The following PCDHA6 variants were observed in gnomAD, a reference collection of about 807,000 sequenced individuals.
PCDHA6 encodes the protein protocadherin alpha 6.
Under a neutral mutation model 60.3 loss-of-function variants are expected in PCDHA6, and 55 were observed. That is an observed-to-expected ratio of 0.91 (90% CI 0.73 to 1.14). The LOEUF (loss-of-function observed/expected upper bound fraction) is 1.14, where lower values mean the gene tolerates loss of function less well. Among genes scored for constraint, PCDHA6 ranks in the 50% most tolerant of loss-of-function variants. The probability of loss-of-function intolerance (pLI) is 0.00; values close to 1 mark genes in which losing one functional copy is unlikely to be tolerated. For missense variants in PCDHA6, 1,327 were observed against 1,256.5 expected (o/e 1.06, Z -0.85); for synonymous variants, 652 against 557.9 (o/e 1.17, Z -2.38).
rs544683188 is a variant in PCDHA6 at position 140,871,907 on chromosome 5, C to G, written c.2394+41422C>G. ...TCTTTGTCTTTTAGCAGAGTTTTGC[C>G]TTGATATTTCCACATTGTTAGATCA... On this transcript the variant is annotated intron_variant, in intron 1 of 3. Coordinates refer to ENST00000529310, the MANE Select transcript of PCDHA6 (RefSeq NM_018909.4). Among the ~76,000 whole-genome samples the G allele has an allele frequency of 3.9e-5, 6 of 152,316 alleles. No homozygotes were observed. In the South Asian group the frequency reaches 1.2e-3, roughly 32 times the overall value.
At chr5:140,929,191 A>G in intron 1 of PCDHA6, 1 of 1,614,118 alleles carries the variant, frequency 6.2e-7, no homozygotes, top group Non-Finnish European at 8.5e-7. Flanking sequence ...TTCTGATAAT[A>G]ACAGTTTGCT....
chr5:140,932,002 T>G (rs1305093438), intron 1 of PCDHA6, among the ~76,000 whole-genome samples: 1 of 151,956 alleles, frequency 6.6e-6, no homozygotes, highest in East Asian at 1.9e-4. Flanking sequence ...CTAAGTTCTT[T>G]CATTTTAGTT....
intron 3 of PCDHA6, among the ~76,000 whole-genome samples, chr5:140,999,654 C>T (rs180994815): frequency 1.3e-3 from 194 of 152,238 alleles, no homozygotes; most frequent in African/African-American, 4.4e-3. Context: ...AGCCTGAGCC[C>T]TGCTGGGTTG....
intron 3 of PCDHA6, among the ~76,000 whole-genome samples, chr5:141,003,696 T>C (rs1554259206): frequency 6.6e-6 from 1 of 152,210 alleles, no homozygotes; most frequent in East Asian, 1.9e-4. Flanking sequence ...AATATATCCC[T>C]ACCAATTGTG....
At chr5:140,895,784 T>C (rs2065158516) in intron 1 of PCDHA6, among the ~76,000 whole-genome samples, 1 of 152,166 alleles carries the variant, frequency 6.6e-6, no homozygotes, top group Non-Finnish European at 1.5e-5. Flanking sequence ...TAGTATTCAA[T>C]GACGTATATG....
intron 1 of PCDHA6, chr5:140,877,909 C>A: frequency 6.3e-6 from 9 of 1,432,578 alleles, no homozygotes; most frequent in Non-Finnish European, 7.3e-6. Flanking sequence ...TAACTACATT[C>A]TCTCATTTTT....
intron 1 of PCDHA6, chr5:140,866,765 C>G (rs1053050045): frequency 6.6e-6 from 1 of 152,122 alleles, no homozygotes; most frequent in Non-Finnish European, 1.5e-5. Context: ...GACATACAGG[C>G]AGATTGTATG....
chr5:140,856,611 A>T (rs782801357), intron 1 of PCDHA6: 2 of 1,598,100 alleles, frequency 1.3e-6, no homozygotes, highest in Non-Finnish European at 1.7e-6. Context: ...AAAGACAAAG[A>T]CAAATTCCCA....
At chr5:140,872,266 T>C (rs1267974541) in intron 1 of PCDHA6, among the ~76,000 whole-genome samples, 2 of 152,208 alleles carry the variant, frequency 1.3e-5, no homozygotes, top group Non-Finnish European at 2.9e-5. Context: ...GTTTTCATAT[T>C]GTTTGAAGAA....
chr5:140,954,536 T>C (rs1438016822), intron 1 of PCDHA6, among the ~76,000 whole-genome samples: 3 of 152,248 alleles, frequency 2.0e-5, no homozygotes, highest in African/African-American at 7.2e-5. Flanking sequence ...GTTGAGGTTT[T>C]TTTCATATGT....
Position 141,010,239 on chromosome 5 carries a change from G to A in PCDHA6, c.*302G>A. ...AGGCTTCCCAGCCCCGCCAGTGAGA[G>A]GTTGGACTCTCTGCCCTGTGCTCCG... On this transcript the variant is annotated 3_prime_UTR_variant, in exon 4 of 4. Transcript: ENST00000529310. 1 of 1,551,938 alleles carries A rather than the reference G, an allele frequency of 6.4e-7. No homozygotes were observed. Among genetic ancestry groups the A allele is most frequent in the Non-Finnish European group, 8.7e-7 (1 of 1,147,044 alleles).
chr5:140,839,493 G>A (rs2150298182), intron 1 of PCDHA6, among the ~76,000 whole-genome samples: 3 of 151,922 alleles, frequency 2.0e-5, no homozygotes, highest in Non-Finnish European at 4.4e-5. Context: ...GGGCTCAAGT[G>A]ATCTTCCTAC....
At chr5:140,887,376 G>A (rs1169212781) in intron 1 of PCDHA6, among the ~76,000 whole-genome samples, 1 of 152,158 alleles carries the variant, frequency 6.6e-6, no homozygotes, top group Non-Finnish European at 1.5e-5. Context: ...GATTACAGGT[G>A]TGAGCCACCG....
chr5:140,876,554 A>G (rs2056417075), intron 1 of PCDHA6: 1 of 1,614,052 alleles, frequency 6.2e-7, no homozygotes, highest in South Asian at 1.1e-5. Flanking sequence ...CCTGTGCAAG[A>G]GGATGCTCAG....
intron 1 of PCDHA6, chr5:140,836,731 C>T (rs2150268895): frequency 1.2e-6 from 2 of 1,609,678 alleles, no homozygotes; most frequent in Middle Eastern, 1.6e-4. Context: ...CCATCCTCTA[C>T]AGACAATGTG....
Position 140,828,544 on chromosome 5 carries a change from G to A in PCDHA6, c.453G>A (p.Val151=), listed in dbSNP as rs144353163. ...LIYESRLPDS[V]FPLEGASDAD... ...ACGAATCTAGGCTGCCAGATTCTGTGTTTCCACTGGAGGGCGCGTCCGATG... is the reference window on the plus strand; with the variant it reads ...ACGAATCTAGGCTGCCAGATTCTGTATTTCCACTGGAGGGCGCGTCCGATG... Residue 151 remains valine (V), a synonymous_variant, in exon 1 of 4, where the codon GTG becomes GTA. Coordinates refer to ENST00000529310, the MANE Select transcript of PCDHA6 (RefSeq NM_018909.4). The A allele has an allele frequency of 5.9e-4, 952 of 1,614,096 alleles. No homozygotes were observed. Among genetic ancestry groups the A allele is most frequent in the Non-Finnish European group, 7.8e-4 (921 of 1,180,054 alleles).
At chr5:140,892,850 A>G (rs2063700618) in intron 1 of PCDHA6, among the ~76,000 whole-genome samples, 1 of 152,104 alleles carries the variant, frequency 6.6e-6, no homozygotes, top group Non-Finnish European at 1.5e-5. Flanking sequence ...ACCACAACCC[A>G]TTCCTCCTGT....
In PCDHA6 at chr5:140,877,704, C is replaced by T. The variant is rs116613760; in HGVS notation, c.2394+47219C>T. 1.6e-3 allele frequency: 2,639 copies of T among 1,613,952 alleles called. 39 individuals are homozygous for T. The African/African-American group carries it at 0.027, about 17-fold the overall frequency. On this transcript the variant is annotated intron_variant, in intron 1 of 3. Coordinates refer to ENST00000529310, the MANE Select transcript of PCDHA6 (RefSeq NM_018909.4). ...AGCCCACGCTGGTGTGCTCCAGCGC[C>T]GTGGGGAGTTGGTCTTACTCGCAGC...
At chr5:140,861,665 C>T (rs2047014898) in intron 1 of PCDHA6, 1 of 258,604 alleles carries the variant, frequency 3.9e-6, no homozygotes, top group Admixed American at 4.5e-5. Context: ...AACGAGAGCT[C>T]TTGATTATCG....
Sources: allele counts gnomAD v4.1 joint callset (sites outside exome capture counted in the v4.1 genomes callset), GRCh38; gene constraint gnomAD v4.1.1; transcripts MANE v1.5; gene names NCBI Gene and HGNC (gene_info 2026-07-23, HGNC 2026-07-21).